Variants in SLC71A1 observed in about 807,000 individuals in gnomAD.
The protein encoded by SLC71A1 is hippocampus abundant gene transcript 1.
At chr1:100,082,340 C>G in the SLC71A1 span, 1 of 693,824 alleles carries the variant, frequency 1.4e-6, no homozygotes, top group Non-Finnish European at 2.4e-6. Flanking sequence ...GCATGAACTC[C>G]GTGGGAACTA....
chr1:100,060,934 C>A, the SLC71A1 span, among the ~76,000 whole-genome samples: 1 of 152,016 alleles, frequency 6.6e-6, no homozygotes, highest in African/African-American at 2.4e-5. Flanking sequence ...ATGGTGTTAT[C>A]TACAAAGGCC....
At chr1:100,061,968 T>C in the SLC71A1 span, 1 of 1,365,908 alleles carries the variant, frequency 7.3e-7, no homozygotes, top group East Asian at 2.3e-5. Flanking sequence ...GTTTATTCTA[T>C]ACCTTTTGTA....
chr1:100,078,966 T>C, the SLC71A1 span: 1 of 153,386 alleles, frequency 6.5e-6, no homozygotes. Context: ...CTTGGGAGGC[T>C]GAGGTTGGAG....
the SLC71A1 span, chr1:100,038,417 C>T: frequency 3.2e-5 from 31 of 956,568 alleles, no homozygotes; most frequent in South Asian, 3.5e-4. Flanking sequence ...GTGCCTCCCT[C>T]CCTTCCCCCA....
At chr1:100,044,458 C>T in the SLC71A1 span, among the ~76,000 whole-genome samples, 6 of 149,782 alleles carry the variant, frequency 4.0e-5, no homozygotes, top group East Asian at 1.2e-3. Context: ...TTGTCAGATG[C>T]ACAGTTCATA....
the SLC71A1 span, chr1:100,077,014 C>T: frequency 3.6e-6 from 2 of 562,078 alleles, no homozygotes; most frequent in Non-Finnish European, 6.3e-6. Flanking sequence ...GCTTATGTGA[C>T]CTGGACTAGT....
the SLC71A1 span, among the ~76,000 whole-genome samples, chr1:100,072,580 T>TAA: frequency 3.2e-4 from 46 of 143,346 alleles, no homozygotes; most frequent in Admixed American, 6.9e-4. Context: ...TCCATAATGT[T>TAA]AAAAAAAAAA....
the SLC71A1 span, among the ~76,000 whole-genome samples, chr1:100,077,582 T>A: frequency 6.6e-6 from 1 of 152,344 alleles, no homozygotes; most frequent in African/African-American, 2.4e-5. Flanking sequence ...AAGTATGTAA[T>A]CCCATAGCAA....
the SLC71A1 span, among the ~76,000 whole-genome samples, chr1:100,044,357 G>A: frequency 6.6e-6 from 1 of 151,984 alleles, no homozygotes; most frequent in Non-Finnish European, 1.5e-5. Flanking sequence ...TTTGAAAAAT[G>A]TCTATTCATG....
At chr1:100,078,658 TA>T in the SLC71A1 span, 1 of 738,682 alleles carries the variant, frequency 1.4e-6, no homozygotes, top group East Asian at 2.6e-5. Context: ...TAGAGACTTT[TA>T]AAATTGCTTT....
chr1:100,067,580 G>A, the SLC71A1 span, among the ~76,000 whole-genome samples: 114 of 152,336 alleles, frequency 7.5e-4, 1 homozygote, highest in East Asian at 0.02. Context: ...GGAGGCTGAG[G>A]TGGGAGGATC....
chr1:100,077,132 T>G, the SLC71A1 span: 1 of 1,056,984 alleles, frequency 9.5e-7, no homozygotes, highest in Non-Finnish European at 1.4e-6. Context: ...TTTTAAAACT[T>G]TATTCTGATA....
At chr1:100,069,642 C>G in the SLC71A1 span, 1 of 1,612,282 alleles carries the variant, frequency 6.2e-7, no homozygotes, top group Non-Finnish European at 8.5e-7. Flanking sequence ...GAAAGTGTTG[C>G]AGCGTTTATA....
At chr1:100,049,324 T>G in the SLC71A1 span, among the ~76,000 whole-genome samples, 50 of 149,390 alleles carry the variant, frequency 3.3e-4, no homozygotes, top group Non-Finnish European at 5.3e-4. Context: ...ATTTATGGTT[T>G]TTTTTTTTTT....
chr1:100,038,211 G>A, the SLC71A1 span: 2 of 1,549,238 alleles, frequency 1.3e-6, no homozygotes, highest in Non-Finnish European at 1.7e-6. Flanking sequence ...CTGCAGCAGC[G>A]CCAGGAATCG....
chr1:100,059,407 C>T, the SLC71A1 span, among the ~76,000 whole-genome samples: 7 of 151,734 alleles, frequency 4.6e-5, no homozygotes, highest in African/African-American at 1.7e-4. Context: ...GATCTGCCCT[C>T]GACCTCCCAA....
chr1:100,051,163 C>A, the SLC71A1 span, among the ~76,000 whole-genome samples: 6 of 151,208 alleles, frequency 4.0e-5, no homozygotes, highest in African/African-American at 1.5e-4. Flanking sequence ...GAGGCCAAGG[C>A]GGGTGGATCA....
chr1:100,080,628 C>A, the SLC71A1 span: 1 of 1,613,994 alleles, frequency 6.2e-7, no homozygotes, highest in South Asian at 1.1e-5. Flanking sequence ...GACTTGGGAA[C>A]AAACACAAGC....
the SLC71A1 span, chr1:100,082,191 C>G: frequency 2.5e-6 from 4 of 1,613,962 alleles, no homozygotes; most frequent in Non-Finnish European, 3.4e-6. Context: ...AACCTTTACT[C>G]CAGGACACAA....
Sources: gnomAD v4.1 joint callset for allele counts (sites outside exome capture counted in the v4.1 genomes callset) on GRCh38, gnomAD v4.1.1 for gene constraint, MANE v1.5 for transcripts, NCBI Gene and HGNC (gene_info 2026-07-23, HGNC 2026-07-21) for gene names.